Variants in ABLIM3 observed in about 807,000 individuals in gnomAD.
ABLIM3 encodes the protein actin-binding LIM protein 3.
Under a neutral mutation model 109.5 loss-of-function variants are expected in ABLIM3, and 61 were observed. That is an observed-to-expected ratio of 0.56 (90% CI 0.45 to 0.69). The LOEUF (loss-of-function observed/expected upper bound fraction) is 0.69. ABLIM3 is among the 30% of genes least tolerant of loss of function. ABLIM3 has a pLI of 0.00. For synonymous variants in ABLIM3, 300 were observed against 324.8 expected, an observed-to-expected ratio of 0.92 and a Z score of 0.82; for missense variants, 796 against 889.5, an observed-to-expected ratio of 0.89 and a Z score of 1.34.
chr5:149,170,264 C>CTCTCTT (rs777442668), intron 2 of ABLIM3, among the ~76,000 whole-genome samples: 1 of 134,464 alleles, frequency 7.4e-6, no homozygotes, highest in Non-Finnish European at 1.6e-5. Context: ...CTCTCTCTCT[C>CTCTCTT]CTTCTCCCTC....
At chr5:149,169,324 A>T (rs1159496073) in intron 2 of ABLIM3, among the ~76,000 whole-genome samples, 3 of 152,020 alleles carry the variant, frequency 2.0e-5, no homozygotes, top group Non-Finnish European at 4.4e-5. Context: ...CAAGACCCAG[A>T]TTCCTTCCAT....
Position 149,251,547 on chromosome 5 carries a change from A to G in ABLIM3, c.1849+128A>G, listed in dbSNP as rs916836330. 51 of 1,063,924 alleles carry G rather than the reference A, an allele frequency of 4.8e-5. No homozygotes were observed. The African/African-American group carries it at 7.6e-4, about 16-fold the overall frequency. 65.9% of individuals were successfully genotyped at this position (1,063,924 alleles called of 1,614,324 possible). A position where few individuals can be genotyped will look rare whatever the true frequency, so the allele number is the denominator to read the frequency against. On this transcript the variant is annotated intron_variant, in intron 21 of 23. Coordinates refer to ENST00000309868, the MANE Select transcript of ABLIM3 (RefSeq NM_014945.5). ...CCACGCTGGGCTGTGTCCAACCCTG[A>G]GTTCTTACTCTCTTTCACTTCCCAC...
At chr5:149,151,160 T>C (rs1312449394) in intron 2 of ABLIM3, among the ~76,000 whole-genome samples, 1 of 152,168 alleles carries the variant, frequency 6.6e-6, no homozygotes, top group Non-Finnish European at 1.5e-5. Context: ...GCGAGACAAA[T>C]GTCTACTCGA....
chr5:149,235,982 G>C (rs967984699), intron 10 of ABLIM3, among the ~76,000 whole-genome samples: 12 of 152,234 alleles, frequency 7.9e-5, no homozygotes, highest in African/African-American at 2.7e-4. Context: ...GGGAAGCCCA[G>C]CCTCCAGAGA....
intron 10 of ABLIM3, among the ~76,000 whole-genome samples, chr5:149,233,542 A>G (rs1252554387): frequency 3.3e-5 from 5 of 152,202 alleles, no homozygotes; most frequent in African/African-American, 1.2e-4. Flanking sequence ...GCAGAGTTCC[A>G]TGGAGCACGA....
At chr5:149,173,616 T>C (rs1015598801) in intron 2 of ABLIM3, among the ~76,000 whole-genome samples, 1 of 152,262 alleles carries the variant, frequency 6.6e-6, no homozygotes, top group Non-Finnish European at 1.5e-5. Flanking sequence ...CCCACTTTAG[T>C]CGCTGCGGCT....
In ABLIM3 at chr5:149,157,082, GAC is replaced by G. The variant is rs561778569; in HGVS notation, c.13+14978_13+14979del. Among the ~76,000 whole-genome samples the G allele has an allele frequency of 1.4e-3, 213 of 152,326 alleles. 1 individual carries two copies. Among genetic ancestry groups the G allele is most frequent in the African/African-American group, 5.0e-3 (208 of 41,560 alleles). On this transcript the variant is annotated intron_variant, in intron 2 of 23. Transcript: ENST00000309868. ...AAGATAGAGAAGGTCATTGGGAATA[GAC>G]ACAGAGAGGACCAGAAAGCGTTCCA... is the stretch of plus-strand genomic sequence containing the variant.
chr5:149,173,796 T>C (rs1029977138), intron 2 of ABLIM3, among the ~76,000 whole-genome samples: 5 of 151,416 alleles, frequency 3.3e-5, no homozygotes, highest in Admixed American at 2.0e-4. Flanking sequence ...CCGAGGCGGG[T>C]GGATCACGAG....
At chr5:149,242,596 C>A in intron 15 of ABLIM3, 58 bp downstream of exon 15, 1 of 1,584,312 alleles carries the variant, frequency 6.3e-7, no homozygotes, top group Admixed American at 1.7e-5. Context: ...GGTTAACCAT[C>A]TATGCAGATG....
intron 23 of ABLIM3, among the ~76,000 whole-genome samples, chr5:149,253,388 G>A (rs762841169): frequency 1.7e-4 from 26 of 152,168 alleles, no homozygotes; most frequent in Non-Finnish European, 2.5e-4. Context: ...TTAACCAAGC[G>A]ACAACCTCAC....
At chr5:149,194,271 G>GA (rs935979259) in intron 3 of ABLIM3, among the ~76,000 whole-genome samples, 1 of 152,018 alleles carries the variant, frequency 6.6e-6, no homozygotes, top group African/African-American at 2.4e-5. Context: ...TTTAACATTT[G>GA]AAAAAAATTC....
chr5:149,164,315 C>G (rs1194426442), intron 2 of ABLIM3: 2 of 152,192 alleles, frequency 1.3e-5, no homozygotes, highest in African/African-American at 4.8e-5. Flanking sequence ...TCAGCTCACC[C>G]CATAGGTGTG....
chr5:149,185,493 T>G (rs1219865415), intron 3 of ABLIM3, among the ~76,000 whole-genome samples: 1 of 152,188 alleles, frequency 6.6e-6, no homozygotes, highest in Non-Finnish European at 1.5e-5. Flanking sequence ...GAAATAAACT[T>G]TGCCTTTTGT....
At chr5:149,247,579 C>A in intron 17 of ABLIM3, 1 of 761,764 alleles carries the variant, frequency 1.3e-6, no homozygotes, top group Non-Finnish European at 2.3e-6. Context: ...CAGACCCCCA[C>A]CCAGACCACA....
intron 3 of ABLIM3, among the ~76,000 whole-genome samples, chr5:149,194,580 G>A (rs568962107): frequency 2.1e-3 from 317 of 152,312 alleles, no homozygotes; most frequent in African/African-American, 7.4e-3. Flanking sequence ...TTCAGGCAGT[G>A]GAATACAGCA....
chr5:149,194,815 A>G (rs1325105363), intron 3 of ABLIM3, among the ~76,000 whole-genome samples: 1 of 152,222 alleles, frequency 6.6e-6, no homozygotes, highest in Admixed American at 6.5e-5. Context: ...TAGGGACGGT[A>G]TGGGACAGAG....
At chr5:149,155,745 C>T (rs1252986000) in intron 2 of ABLIM3, among the ~76,000 whole-genome samples, 1 of 152,170 alleles carries the variant, frequency 6.6e-6, no homozygotes. Context: ...AAGCCCTCAT[C>T]GGGAACTGTT....
intron 2 of ABLIM3, among the ~76,000 whole-genome samples, chr5:149,151,349 A>G (rs978011890): frequency 6.6e-6 from 1 of 152,202 alleles, no homozygotes; most frequent in Non-Finnish European, 1.5e-5. Context: ...TCTATTGCCA[A>G]ATACGGTTAT....
chr5:149,249,008 T>TATGTAATAA (rs1262895191), intron 18 of ABLIM3, among the ~76,000 whole-genome samples: 1 of 152,236 alleles, frequency 6.6e-6, no homozygotes, highest in Non-Finnish European at 1.5e-5. Context: ...ATTACACTTC[T>TATGTAATAA]ATGTGCCAGG....
Sources: gnomAD v4.1 joint callset for allele counts (sites outside exome capture counted in the v4.1 genomes callset) on GRCh38, gnomAD v4.1.1 for gene constraint, MANE v1.5 for transcripts, NCBI Gene and HGNC (gene_info 2026-07-23, HGNC 2026-07-21) for gene names.